Variants in KDM4C observed in about 807,000 individuals in gnomAD.
The protein encoded by KDM4C is lysine demethylase 4C.
A neutral mutation model predicts 129.3 loss-of-function variants in KDM4C; 81 were observed. The observed-to-expected ratio is 0.63, with a 90% CI of 0.52 to 0.75. The LOEUF is 0.75. KDM4C is among the 30% of genes least tolerant of loss of function. The pLI, the probability that KDM4C is intolerant of heterozygous loss-of-function variation, is 0.00. For synonymous variants in KDM4C, 573 were observed against 456.1 expected, an observed-to-expected ratio of 1.26 and a Z score of -3.26; for missense variants, 1,457 against 1,304.0, an observed-to-expected ratio of 1.12 and a Z score of -1.81.
At chr9:7,078,480 T>A (rs1050219261) in intron 17 of KDM4C, among the ~76,000 whole-genome samples, 1 of 152,098 alleles carries the variant, frequency 6.6e-6, no homozygotes, top group Non-Finnish European at 1.5e-5. Context: ...CTTATTAATG[T>A]TCACAATTCC....
At chr9:7,143,401 T>C (rs1210327631) in intron 19 of KDM4C, among the ~76,000 whole-genome samples, 1 of 152,216 alleles carries the variant, frequency 6.6e-6, no homozygotes, top group East Asian at 1.9e-4. Flanking sequence ...TAATATCTGG[T>C]GTGAAAAGAA....
chr9:7,104,590 T>C (rs1028567847), intron 18 of KDM4C, among the ~76,000 whole-genome samples: 1 of 144,852 alleles, frequency 6.9e-6, no homozygotes, highest in Non-Finnish European at 1.5e-5. Flanking sequence ...TTTCCTGTGT[T>C]TTAAATGCTT....
intron 21 of KDM4C, 76 bp from the exon 22 acceptor site, chr9:7,174,477 C>G: frequency 1.4e-6 from 2 of 1,428,600 alleles, no homozygotes; most frequent in Non-Finnish European, 9.7e-7. Flanking sequence ...CCCCAGCTGA[C>G]CGAGTCAGAT....
intron 8 of KDM4C, among the ~76,000 whole-genome samples, chr9:6,948,436 GTGA>G (rs1189846884): frequency 6.7e-6 from 1 of 150,226 alleles, no homozygotes; most frequent in Non-Finnish European, 1.5e-5. Flanking sequence ...TATTGACATG[GTGA>G]TGATATGACA....
chr9:6,826,801 A>G (rs1395995591), intron 4 of KDM4C, among the ~76,000 whole-genome samples: 2 of 151,480 alleles, frequency 1.3e-5, no homozygotes, highest in East Asian at 1.9e-4. Context: ...TGGGAGGTAG[A>G]GGTTGCAATG....
At chr9:7,035,541 T>C (rs1192677592) in intron 15 of KDM4C, among the ~76,000 whole-genome samples, 2 of 152,012 alleles carry the variant, frequency 1.3e-5, no homozygotes, top group Non-Finnish European at 1.5e-5. Context: ...TTTGAGGTTT[T>C]ATTCATAAAA....
chr9:7,016,471 G>A (rs1376324727), intron 15 of KDM4C, among the ~76,000 whole-genome samples: 1 of 127,548 alleles, frequency 7.8e-6, no homozygotes, highest in East Asian at 2.3e-4. Flanking sequence ...CCATTGCCCA[G>A]GCTGGAATGC....
At chr9:6,869,809 C>T (rs1030707563) in intron 5 of KDM4C, among the ~76,000 whole-genome samples, 1 of 152,232 alleles carries the variant, frequency 6.6e-6, no homozygotes, top group Non-Finnish European at 1.5e-5. Flanking sequence ...CTGCAGCATC[C>T]CCTATAGCCA....
intron 1 of KDM4C, among the ~76,000 whole-genome samples, chr9:6,741,340 G>A (rs1200661081): frequency 6.6e-6 from 1 of 151,880 alleles, no homozygotes; most frequent in Non-Finnish European, 1.5e-5. Context: ...GGTTGCAGTG[G>A]GCAGAGATTG....
At chr9:7,174,475 G>T in intron 21 of KDM4C, 78 bp from the exon 22 acceptor site, 1 of 1,415,850 alleles carries the variant, frequency 7.1e-7, no homozygotes, top group South Asian at 1.3e-5. Context: ...AACCCCAGCT[G>T]ACCGAGTCAG....
At chr9:6,977,273 T>C (rs1303439568) in intron 8 of KDM4C, among the ~76,000 whole-genome samples, 1 of 152,200 alleles carries the variant, frequency 6.6e-6, no homozygotes, top group Non-Finnish European at 1.5e-5. Context: ...GTTGGAAAAT[T>C]AGTAATTTTC....
chr9:6,994,566 G>T (rs979085547), intron 12 of KDM4C, among the ~76,000 whole-genome samples: 1 of 152,042 alleles, frequency 6.6e-6, no homozygotes, highest in African/African-American at 2.4e-5. Flanking sequence ...TCATGCTTTT[G>T]GTAGTGAACA....
At chr9:7,164,670 C>G (rs76157984) in intron 19 of KDM4C, among the ~76,000 whole-genome samples, 22 of 152,260 alleles carry the variant, frequency 1.4e-4, no homozygotes, top group Non-Finnish European at 2.9e-4. Context: ...CGGCTTCAAT[C>G]GCACGCCATT....
At chr9:6,990,129 G>C (rs1431161912) in intron 11 of KDM4C, among the ~76,000 whole-genome samples, 2 of 152,112 alleles carry the variant, frequency 1.3e-5, no homozygotes, top group East Asian at 1.9e-4. Flanking sequence ...CTTGTTAACT[G>C]CTGAGCTTAT....
At chr9:6,862,264 A>G (rs552951322) in intron 5 of KDM4C, among the ~76,000 whole-genome samples, 2 of 152,346 alleles carry the variant, frequency 1.3e-5, no homozygotes, top group South Asian at 2.1e-4. Context: ...TTCATGTCTG[A>G]TAAGTTATCT....
intron 8 of KDM4C, among the ~76,000 whole-genome samples, chr9:6,931,189 G>T (rs1823667758): frequency 6.6e-6 from 1 of 151,598 alleles, no homozygotes; most frequent in South Asian, 2.1e-4. Flanking sequence ...TGCATTGCTG[G>T]ATACTCCCCT....
chr9:7,026,796 C>T (rs373471390), intron 15 of KDM4C, among the ~76,000 whole-genome samples: 2 of 151,878 alleles, frequency 1.3e-5, no homozygotes, highest in East Asian at 3.9e-4. Context: ...TCTTTTGTCT[C>T]CTCTCATTGT....
At position 6,801,092 on chromosome 9, in the gene KDM4C, C is replaced by T. The variant is rs576864840; in HGVS notation, c.145-4507C>T. Among the ~76,000 whole-genome samples the T allele has an allele frequency of 8.5e-5, 13 of 152,204 alleles. No individual in the cohort carries two copies. The South Asian group carries it at 2.1e-3, about 24-fold the overall frequency. ...AAGCTGTATAGCACTGGCCAAGTTA[C>T]TCATCTCCTGACCCCAAGTTTCTTT... On this transcript the variant is annotated intron_variant, in intron 2 of 21. Coordinates refer to ENST00000381309, the MANE Select transcript of KDM4C (RefSeq NM_015061.6).
At chr9:7,070,940 C>T (rs1833107327) in intron 17 of KDM4C, among the ~76,000 whole-genome samples, 2 of 152,060 alleles carry the variant, frequency 1.3e-5, no homozygotes, top group South Asian at 4.1e-4. Flanking sequence ...CAAAGGTTTA[C>T]AAAAAAAGCT....
Sources: allele counts gnomAD v4.1 joint callset (sites outside exome capture counted in the v4.1 genomes callset), GRCh38; gene constraint gnomAD v4.1.1; transcripts MANE v1.5; gene names NCBI Gene and HGNC (gene_info 2026-07-23, HGNC 2026-07-21).